Variants in GFRAL observed in about 807,000 individuals in gnomAD.
GFRAL encodes the protein GDNF family receptor alpha like.
A neutral mutation model predicts 45.4 loss-of-function variants in GFRAL; 36 were observed. The ratio of observed to expected loss-of-function variants is 0.79; its 90% confidence interval spans 0.61 to 1.05. The LOEUF (loss-of-function observed/expected upper bound fraction) is 1.05, where lower values mean the gene tolerates loss of function less well. Among genes scored for constraint, GFRAL ranks in the 50% least tolerant of loss-of-function variants. GFRAL has a pLI of 0.00. For synonymous variants in GFRAL, 166 were observed against 154.1 expected (o/e 1.08, Z -0.57); for missense variants, 507 against 467.5 (o/e 1.08, Z -0.78).
chr6:55,338,944 T>A (rs1910126), intron 3 of GFRAL, among the ~76,000 whole-genome samples: 148,562 of 152,204 alleles, frequency 0.98, 72,612 homozygotes, highest in East Asian at 1. Context: ...TTCTCAAAAG[T>A]TATCACAGGC....
intron 3 of GFRAL, among the ~76,000 whole-genome samples, chr6:55,338,748 T>C (rs892360126): frequency 6.6e-6 from 1 of 152,110 alleles, no homozygotes; most frequent in African/African-American, 2.4e-5. Flanking sequence ...TGGGGAGCAT[T>C]TGGGGAGCAA....
chr6:55,372,926 G>A (rs113343058), intron 6 of GFRAL, among the ~76,000 whole-genome samples: 1 of 151,896 alleles, frequency 6.6e-6, no homozygotes, highest in Non-Finnish European at 1.5e-5. Context: ...CATCAGCCGC[G>A]AACTCAAAGC....
intron 6 of GFRAL, among the ~76,000 whole-genome samples, chr6:55,361,013 G>C (rs1239647838): frequency 1.3e-5 from 2 of 151,936 alleles, no homozygotes; most frequent in Non-Finnish European, 2.9e-5. Flanking sequence ...AATTTTCATA[G>C]TGTTTGCTTA....
chr6:55,342,679 T>G (rs1767984875), intron 3 of GFRAL, among the ~76,000 whole-genome samples: 1 of 151,836 alleles, frequency 6.6e-6, no homozygotes. Flanking sequence ...CATAACAATA[T>G]TAACCTTAAA....
intron 6 of GFRAL, among the ~76,000 whole-genome samples, chr6:55,360,972 G>GT (rs1224525393): frequency 6.6e-6 from 1 of 151,854 alleles, no homozygotes; most frequent in African/African-American, 2.4e-5. Flanking sequence ...TTCTAAACAT[G>GT]TTTTTCTCAA....
intron 5 of GFRAL, among the ~76,000 whole-genome samples, chr6:55,355,039 A>G (rs1581909249): frequency 6.6e-6 from 1 of 152,052 alleles, no homozygotes; most frequent in Admixed American, 6.6e-5. Flanking sequence ...AAAAGTAATG[A>G]CAAGGTATTT....
chr6:55,346,762 T>C (rs1768047466), intron 3 of GFRAL, among the ~76,000 whole-genome samples: 1 of 142,766 alleles, frequency 7.0e-6, no homozygotes. Flanking sequence ...GACACTGAAA[T>C]AATTAGAAAC....
At chr6:55,364,537 G>A (rs1581913717) in intron 6 of GFRAL, among the ~76,000 whole-genome samples, 2 of 145,260 alleles carry the variant, frequency 1.4e-5, no homozygotes, top group South Asian at 4.3e-4. Context: ...GAATGGTAAT[G>A]CCTAGGTTTT....
At chr6:55,361,739 G>A (rs922068129) in intron 6 of GFRAL, among the ~76,000 whole-genome samples, 75 of 152,068 alleles carry the variant, frequency 4.9e-4, no homozygotes, top group African/African-American at 1.7e-3. Flanking sequence ...AAGGAAGTAT[G>A]TCTCTCATCA....
chr6:55,361,827 C>A (rs573250360), intron 6 of GFRAL, among the ~76,000 whole-genome samples: 1 of 152,068 alleles, frequency 6.6e-6, no homozygotes, highest in East Asian at 1.9e-4. Context: ...TTTCTAAAAC[C>A]CTTTAGCTTC....
intron 6 of GFRAL, among the ~76,000 whole-genome samples, chr6:55,364,910 T>C (rs1281362631): frequency 6.6e-6 from 1 of 152,142 alleles, no homozygotes. Flanking sequence ...GAGGATTGAC[T>C]TGGTGATGCG....
chr6:55,386,853 C>T (rs537598657), intron 6 of GFRAL, among the ~76,000 whole-genome samples: 16 of 152,150 alleles, frequency 1.1e-4, no homozygotes, highest in Admixed American at 6.5e-4. Context: ...GTCTGCAGAC[C>T]TGAAACACTG....
intron 3 of GFRAL, among the ~76,000 whole-genome samples, chr6:55,341,284 G>A (rs144089100): frequency 0.013 from 1,991 of 152,340 alleles, 23 homozygotes; most frequent in Non-Finnish European, 0.022. Flanking sequence ...AGTAGGGGCA[G>A]ACTGACACCT....
chr6:55,376,467 C>A (rs1768536323), intron 6 of GFRAL, among the ~76,000 whole-genome samples: 1 of 151,836 alleles, frequency 6.6e-6, no homozygotes, highest in Middle Eastern at 3.2e-3. Flanking sequence ...TGGTAGGATT[C>A]AGGTGTTAAT....
At chr6:55,362,771 G>C (rs1172589788) in intron 6 of GFRAL, among the ~76,000 whole-genome samples, 1 of 151,696 alleles carries the variant, frequency 6.6e-6, no homozygotes, top group Non-Finnish European at 1.5e-5. Flanking sequence ...CAGTTATATA[G>C]TCAACTAAAA....
chr6:55,342,125 C>T (rs1385442845), intron 3 of GFRAL, among the ~76,000 whole-genome samples: 8 of 152,120 alleles, frequency 5.3e-5, no homozygotes, highest in Non-Finnish European at 7.3e-5. Flanking sequence ...GGAGAACTTC[C>T]CCAATCTAGC....
chr6:55,348,190 C>T (rs1768068401), intron 3 of GFRAL, among the ~76,000 whole-genome samples: 1 of 151,730 alleles, frequency 6.6e-6, no homozygotes, highest in Admixed American at 6.6e-5. Flanking sequence ...CCTTCAGCTC[C>T]TCTTTCAGTA....
At chr6:55,340,170 A>G (rs1767943482) in intron 3 of GFRAL, among the ~76,000 whole-genome samples, 1 of 152,202 alleles carries the variant, frequency 6.6e-6, no homozygotes, top group Admixed American at 6.5e-5. Context: ...GAGAAAGAAC[A>G]TGATAATTTA....
intron 6 of GFRAL, among the ~76,000 whole-genome samples, chr6:55,390,570 G>A (rs1426232697): frequency 6.6e-6 from 1 of 152,100 alleles, no homozygotes; most frequent in African/African-American, 2.4e-5. Flanking sequence ...TATCAGTGGA[G>A]TAGTAAATAT....
Sources: gnomAD v4.1 joint callset for allele counts (sites outside exome capture counted in the v4.1 genomes callset) on GRCh38, gnomAD v4.1.1 for gene constraint, MANE v1.5 for transcripts, NCBI Gene and HGNC (gene_info 2026-07-23, HGNC 2026-07-21) for gene names.